Variants in RNF6 observed in about 807,000 individuals in gnomAD.
The protein encoded by RNF6 is E3 ubiquitin-protein ligase RNF6.
RNF6 carries 21 observed loss-of-function variants against 50.1 expected under a neutral mutation model. The ratio of observed to expected loss-of-function variants is 0.42; its 90% CI spans 0.30 to 0.60. RNF6 has a LOEUF of 0.60. Among genes scored for constraint, RNF6 ranks in the 20% least tolerant of loss-of-function variants. The pLI, the probability that RNF6 is intolerant of heterozygous loss-of-function variation, is 0.20. For missense variants in RNF6, 698 were observed against 838.2 expected, an observed-to-expected ratio of 0.83 and a Z score of 2.07; for synonymous variants, 255 against 291.8, an observed-to-expected ratio of 0.87 and a Z score of 1.29.
intron 5 of RNF6, among the ~76,000 whole-genome samples, chr13:26,134,895 T>C (rs1000432195): frequency 6.6e-6 from 1 of 152,200 alleles, no homozygotes; most frequent in Non-Finnish European, 1.5e-5. Context: ...TTATTTATAT[T>C]ATTTTTAAAA....
chr13:26,134,277 G>A (rs893477115), intron 5 of RNF6, among the ~76,000 whole-genome samples: 5 of 152,244 alleles, frequency 3.3e-5, no homozygotes, highest in African/African-American at 9.6e-5. Context: ...TTCCTACCTG[G>A]CCTCCTCTGA....
Position 26,213,777 on chromosome 13 carries a change from A to C in RNF6, c.*47T>G. Reference sequence around the variant, plus strand: ...AAATAACTCAGCAAAACAATGCTTGAACATTCAGTTCTACTAAAAAACAGT... The same window carrying C: ...AAATAACTCAGCAAAACAATGCTTGCACATTCAGTTCTACTAAAAAACAGT... On this transcript the variant is annotated 3_prime_UTR_variant, in exon 5 of 5. Transcript: ENST00000381588. 6.9e-7 allele frequency: 1 copy of C among 1,451,928 alleles called. No homozygotes were observed. The highest frequency in any genetic ancestry group is 9.3e-7 in the Non-Finnish European group (1 of 1,070,568). The allele number at this position is 1,451,928 out of a possible 1,614,324, so 89.9% of individuals were successfully genotyped here.
In RNF6 at chr13:26,172,934, T is replaced by TA. The variant is rs199684096; in HGVS notation, n.769-40484dup. Among the ~76,000 whole-genome samples, 122 of 150,726 alleles carry TA rather than the reference T, an allele frequency of 8.1e-4. 1 individual carries two copies. In the East Asian group the frequency reaches 0.016, roughly 20 times the overall value. ...TATGTAAAAAACTCCTAGAAATTAC[T>TA]AAAAAAAAATAGAAACATGAGCAAA... On this transcript the variant is annotated intron_variant and non_coding_transcript_variant, in intron 5 of 5. Transcript: ENST00000468480.
At chr13:26,199,207 T>C (rs1566430812) in intron 5 of RNF6, among the ~76,000 whole-genome samples, 1 of 149,918 alleles carries the variant, frequency 6.7e-6, no homozygotes, top group East Asian at 1.9e-4. Context: ...TAGAACAGAC[T>C]AGGAAGCCTA....
intron 5 of RNF6, among the ~76,000 whole-genome samples, chr13:26,201,489 G>T (rs1184827227): frequency 6.6e-6 from 1 of 152,158 alleles, no homozygotes; most frequent in Non-Finnish European, 1.5e-5. Context: ...AAATGGTGGG[G>T]GATGTTGGGG....
chr13:26,187,495 C>G (rs1037897830), intron 5 of RNF6, among the ~76,000 whole-genome samples: 1 of 152,132 alleles, frequency 6.6e-6, no homozygotes, highest in Admixed American at 6.5e-5. Context: ...TTCCCTGGCC[C>G]CCTCTGGTGA....
chr13:26,165,989 A>G (rs113096888), intron 5 of RNF6, among the ~76,000 whole-genome samples: 124,955 of 152,064 alleles, frequency 0.82, 51,416 homozygotes, highest in Non-Finnish European at 0.84. Flanking sequence ...AGGGACCAGG[A>G]GTGGAATGTT....
chr13:26,186,700 C>T lies in RNF6; in HGVS notation n.768+28774G>A, dbSNP rs575099223. ...ACAGGTAGCGCGTTCCTTCGCTGTGCTGACCGTCGATCCCGGGGGCGCTAG... is the reference window on the plus strand; with the variant it reads ...ACAGGTAGCGCGTTCCTTCGCTGTGTTGACCGTCGATCCCGGGGGCGCTAG... On this transcript the variant is annotated intron_variant and non_coding_transcript_variant, in intron 5 of 5. Transcript: ENST00000468480. 2.2e-3 allele frequency among the ~76,000 whole-genome samples: 330 copies of T among 152,310 alleles called. 2 individuals are homozygous for T. The highest frequency in any genetic ancestry group is 7.5e-3 in the African/African-American group (313 of 41,576).
At chr13:26,221,631 C>T (rs1286772823) in intron 1 of RNF6, 1 of 151,994 alleles carries the variant, frequency 6.6e-6, no homozygotes, top group East Asian at 1.9e-4. Flanking sequence ...CAGGGTTAGG[C>T]GTCTCCGGCT....
At chr13:26,222,824 T>G (rs1223714430), upstream of RNF6, among the ~76,000 whole-genome samples, 4 of 152,174 alleles carry the variant, frequency 2.6e-5, no homozygotes. Context: ...GGTCTCGCTA[T>G]GTTGCCCAGG....
At chr13:26,185,539 G>A (rs541839819) in intron 5 of RNF6, among the ~76,000 whole-genome samples, 26 of 152,122 alleles carry the variant, frequency 1.7e-4, no homozygotes, top group Non-Finnish European at 3.1e-4. Context: ...GAGGTCAAGA[G>A]ATCGAGACTA....
At chr13:26,140,958 C>A (rs1027648441) in intron 5 of RNF6, among the ~76,000 whole-genome samples, 1 of 152,134 alleles carries the variant, frequency 6.6e-6, no homozygotes, top group African/African-American at 2.4e-5. Context: ...CTAGAAAACA[C>A]TGCTGAAAGA....
Position 26,219,450 on chromosome 13 carries a change from C to T in RNF6, c.193+7G>A. 1 of 1,587,284 alleles carries T rather than the reference C, an allele frequency of 6.3e-7. No individual in the cohort carries two copies. Among genetic ancestry groups the T allele is most frequent in the Non-Finnish European group, 8.6e-7 (1 of 1,163,174 alleles). On this transcript the variant is annotated splice_region_variant and intron_variant, in intron 3 of 4. Transcript: ENST00000381588. ...AAAGGGTGTTTCCTCTTTTACCCAT[C>T]TCTTACCAGGGGTGCCTAAAAGATT... is the stretch of plus-strand genomic sequence containing the variant.
chr13:26,151,912 C>T (rs189709465), intron 5 of RNF6, among the ~76,000 whole-genome samples: 2 of 152,162 alleles, frequency 1.3e-5, no homozygotes, highest in Non-Finnish European at 2.9e-5. Flanking sequence ...GTCCCTCTAC[C>T]CGTGGACCCC....
At chr13:26,136,325 T>C (rs560934297) in intron 5 of RNF6, among the ~76,000 whole-genome samples, 4 of 152,318 alleles carry the variant, frequency 2.6e-5, no homozygotes, top group Non-Finnish European at 5.9e-5. Context: ...TCTAAAATTA[T>C]GTTGTTTTCT....
rs936371160 is a variant in RNF6 at position 26,221,996 on chromosome 13, A to G, written c.-102+7T>C. 2.9e-4 allele frequency: 44 copies of G among 152,382 alleles called. No homozygotes were observed. Among genetic ancestry groups the G allele is most frequent in the African/African-American group, 1.0e-3 (42 of 41,572 alleles). 9.4% of individuals were successfully genotyped at this position (152,382 alleles called of 1,614,324 possible). On this transcript the variant is annotated splice_region_variant and intron_variant, in intron 1 of 4. Transcript: ENST00000381588. Reference sequence around the variant, plus strand: ...TGGTGGGACCCAGATCTTTCCCTCGAGCCCACCTCTCCAGGTCTTGGGCCT... The same window carrying G: ...TGGTGGGACCCAGATCTTTCCCTCGGGCCCACCTCTCCAGGTCTTGGGCCT...
chr13:26,217,616 C>T (rs149877188), intron 4 of RNF6, among the ~76,000 whole-genome samples: 17 of 152,292 alleles, frequency 1.1e-4, no homozygotes, highest in Non-Finnish European at 2.4e-4. Context: ...GCAGTGATGC[C>T]CCATAAATCT....
intron 5 of RNF6, among the ~76,000 whole-genome samples, chr13:26,151,584 A>G (rs1182562625): frequency 4.7e-5 from 7 of 150,494 alleles, no homozygotes; most frequent in Admixed American, 3.3e-4. Context: ...ATATCCTGAT[A>G]TCTTAACTGA....
chr13:26,189,429 A>C (rs771193692), intron 5 of RNF6, among the ~76,000 whole-genome samples: 2 of 152,208 alleles, frequency 1.3e-5, no homozygotes, highest in African/African-American at 4.8e-5. Context: ...GTTGGAATAA[A>C]CCTATCAATG....
Sources: gnomAD v4.1 joint callset for allele counts (sites outside exome capture counted in the v4.1 genomes callset) on GRCh38, gnomAD v4.1.1 for gene constraint, MANE v1.5 for transcripts, NCBI Gene and HGNC (gene_info 2026-07-23, HGNC 2026-07-21) for gene names.